Variants in ATP6V1B1 observed in about 807,000 individuals in gnomAD.
The protein encoded by ATP6V1B1 is V-type proton ATPase subunit B, kidney isoform.
A neutral mutation model predicts 62.1 loss-of-function variants in ATP6V1B1; 41 were observed. That is an observed-to-expected ratio of 0.66 (90% CI 0.51 to 0.86). ATP6V1B1 has a LOEUF of 0.86. Among genes scored for constraint, ATP6V1B1 ranks in the 40% least tolerant of loss-of-function variants. The pLI is 0.00. For synonymous variants in ATP6V1B1, 253 were observed against 273.4 expected, an observed-to-expected ratio of 0.93 and a Z score of 0.74; for missense variants, 651 against 697.5, an observed-to-expected ratio of 0.93 and a Z score of 0.75.
chr2:70,941,893 A>G, intron 1 of ATP6V1B1: 1 of 987,434 alleles, frequency 1.0e-6, no homozygotes, highest in South Asian at 4.7e-5. Flanking sequence ...CCAGGCTCTG[A>G]GTGTAGCCAT....
At chr2:70,962,927 A>T (rs782303348) in intron 9 of ATP6V1B1, 27 bp downstream of exon 9, 1 of 1,613,250 alleles carries the variant, frequency 6.2e-7, no homozygotes, top group Non-Finnish European at 8.5e-7. Context: ...GGGGTGTCAG[A>T]TTCCTCCCTA....
chr2:70,963,791 C>A lies in ATP6V1B1; in HGVS notation c.1143+137C>A. The A allele has an allele frequency of 1.1e-6, 1 of 918,128 alleles. No individual in the cohort carries two copies. Among genetic ancestry groups the A allele is most frequent in the South Asian group, 1.4e-5 (1 of 71,400 alleles). The allele number at this position is 918,128 out of a possible 1,614,324, so 56.9% of individuals were successfully genotyped here. ...AAACAGGAGACAGCCACAGGGAAGA[C>A]TGCATGGTTCACAGACAGAAGACAG... On this transcript the variant is annotated intron_variant, in intron 11 of 13. Coordinates refer to ENST00000234396, the MANE Select transcript of ATP6V1B1 (RefSeq NM_001692.4). This position sits in a 1 kb window ranked among gnomAD's most constrained non-coding sequence, Gnocchi z 4.3.
In ATP6V1B1 at chr2:70,960,098, C is replaced by G; in HGVS notation, c.585+20C>G. 1 of 1,613,868 alleles carries G rather than the reference C, an allele frequency of 6.2e-7. No homozygotes were observed. Among genetic ancestry groups the G allele is most frequent in the Non-Finnish European group, 8.5e-7 (1 of 1,179,894 alleles). ...AATGAGGTGAGGCCTGCAGGGCCAGCAGGCATGGCTGGGGGAGGGACAGAG... is the reference window on the plus strand; with the variant it reads ...AATGAGGTGAGGCCTGCAGGGCCAGGAGGCATGGCTGGGGGAGGGACAGAG... On this transcript the variant is annotated intron_variant, in intron 6 of 13. Transcript: ENST00000234396.
chr2:70,954,550 G>C (rs1269845695), intron 2 of ATP6V1B1, among the ~76,000 whole-genome samples: 1 of 152,208 alleles, frequency 6.6e-6, no homozygotes, highest in Non-Finnish European at 1.5e-5. Flanking sequence ...TAATTCAGAA[G>C]CGTGCTTTAA....
At position 70,943,698 on chromosome 2, in the gene ATP6V1B1, G is replaced by T. The variant is rs1361849084; in HGVS notation, c.159G>T (p.Val53=). ...TVCSVNGPLV[V]LDRVKFAQYA... is the part of the protein sequence containing the mutation. ...GCAGCGTGAACGGGCCCCTGGTGGT[G>T]CTGGACCGGGTCAAGGTAAGACTCT... The change falls in exon 2 of 14, where the codon GTG becomes GTT. Residue 53 remains valine, a synonymous_variant. Transcript: ENST00000234396. The T allele has an allele frequency of 3.1e-6, 5 of 1,613,658 alleles. No homozygotes were observed. The highest frequency in any genetic ancestry group is 4.2e-6 in the Non-Finnish European group (5 of 1,179,978).
chr2:70,943,647 C>T lies in ATP6V1B1; in HGVS notation c.119-11C>T, dbSNP rs1572908281. 6.2e-7 allele frequency: 1 copy of T among 1,613,610 alleles called. No homozygotes were observed. The highest frequency in any genetic ancestry group is 8.5e-7 in the Non-Finnish European group (1 of 1,179,844). ...GGGTGAGACCCCTACTCACCCCCGC[C>T]CCTCCCCCAGCCTACAGGACTGTGT... On this transcript the variant is annotated splice_polypyrimidine_tract_variant and intron_variant, in intron 1 of 13. Coordinates refer to ENST00000234396, the MANE Select transcript of ATP6V1B1 (RefSeq NM_001692.4).
chr2:70,944,588 C>T (rs1680100108), intron 2 of ATP6V1B1, among the ~76,000 whole-genome samples: 1 of 152,148 alleles, frequency 6.6e-6, no homozygotes, highest in Non-Finnish European at 1.5e-5. Flanking sequence ...TATCCTGTCT[C>T]CATCCTCCAG....
At chr2:70,962,943 C>G (rs782580662) in intron 9 of ATP6V1B1, 43 bp downstream of exon 9, 1 of 1,612,570 alleles carries the variant, frequency 6.2e-7, no homozygotes, top group South Asian at 1.1e-5. Flanking sequence ...CCCTACCCCT[C>G]CCTAAGCCTG....
chr2:70,940,958 G>A (rs1679988690), intron 1 of ATP6V1B1: 3 of 911,752 alleles, frequency 3.3e-6, no homozygotes, highest in Admixed American at 7.3e-5. Flanking sequence ...CTGTCACCCA[G>A]GCTGGAGTGC....
chr2:70,944,262 G>A, intron 2 of ATP6V1B1: 1 of 1,275,336 alleles, frequency 7.8e-7, no homozygotes, highest in Non-Finnish European at 1.0e-6. Context: ...AAGGTAAGTG[G>A]GCTGTGGGCT....
chr2:70,956,664 A>T (rs1163138511), intron 2 of ATP6V1B1, among the ~76,000 whole-genome samples: 1 of 152,070 alleles, frequency 6.6e-6, no homozygotes, highest in African/African-American at 2.4e-5. Flanking sequence ...GTACAGTTGC[A>T]TGATCTTGGC....
chr2:70,946,497 A>G lies in ATP6V1B1; in HGVS notation c.174+2784A>G, dbSNP rs139108853. ...TGACAGAATCAGAAGCTCTGGGGGT[A>G]GGGCCCAGAAGTCTGTCCTCACAAG... is the stretch of plus-strand genomic sequence containing the variant. On this transcript the variant is annotated intron_variant, in intron 2 of 13. Transcript: ENST00000234396. Among the ~76,000 whole-genome samples, 15 of 152,308 alleles carry G rather than the reference A, an allele frequency of 9.8e-5. No individual in the cohort carries two copies. In the East Asian group the frequency reaches 2.9e-3, roughly 29 times the overall value.
In ATP6V1B1 at chr2:70,965,230, C is replaced by A; in HGVS notation, c.*109C>A. The stretch of plus-strand genomic sequence containing the variant: ...GGCTTCTGCGCCGCCCTCCGCCCTC[C>A]GCTGGCTCCGAGGTGGTGGGGGCGC... On this transcript the variant is annotated 3_prime_UTR_variant, in exon 14 of 14. Coordinates refer to ENST00000234396, the MANE Select transcript of ATP6V1B1 (RefSeq NM_001692.4). 6.7e-7 allele frequency: 1 copy of A among 1,497,294 alleles called. No homozygotes were observed. The highest frequency in any genetic ancestry group is 9.0e-7 in the Non-Finnish European group (1 of 1,105,024). The allele number at this position is 1,497,294 out of a possible 1,614,324, so 92.8% of individuals were successfully genotyped here. A position where few individuals can be genotyped will look rare whatever the true frequency, so the allele number is the denominator to read the frequency against.
chr2:70,943,916 G>C, intron 2 of ATP6V1B1: 1 of 878,812 alleles, frequency 1.1e-6, no homozygotes, highest in Non-Finnish European at 1.4e-6. Flanking sequence ...TGCCTTTTCA[G>C]TAAAAACCAT....
At chr2:70,944,408 C>T (rs1207189664) in intron 2 of ATP6V1B1, among the ~76,000 whole-genome samples, 1 of 152,036 alleles carries the variant, frequency 6.6e-6, no homozygotes, top group African/African-American at 2.4e-5. Context: ...AGCCCCACTC[C>T]CTCAGCCTCC....
chr2:70,964,407 T>C, intron 11 of ATP6V1B1, 31 bp from the exon 12 acceptor site: 3 of 1,608,062 alleles, frequency 1.9e-6, no homozygotes, highest in Non-Finnish European at 2.6e-6. Flanking sequence ...TGAGTCCTGC[T>C]GTCCACCACT....
intron 2 of ATP6V1B1, among the ~76,000 whole-genome samples, chr2:70,951,362 C>G (rs1553418276): frequency 6.6e-6 from 1 of 152,078 alleles, no homozygotes; most frequent in Non-Finnish European, 1.5e-5. Context: ...TATACTGATA[C>G]AATACTTTAA....
intron 11 of ATP6V1B1, chr2:70,964,112 G>GTGTTTTTT (rs1330555546): frequency 1.3e-5 from 2 of 158,360 alleles, no homozygotes; most frequent in South Asian, 7.6e-5. Context: ...TGCTTGGCAG[G>GTGTTTTTT]TATTTTTTTT....
chr2:70,940,698 T>G, intron 1 of ATP6V1B1: 1 of 985,402 alleles, frequency 1.0e-6, no homozygotes, highest in Non-Finnish European at 1.2e-6. Context: ...ACTCTCTGCC[T>G]TCTCAGGAAG....
Sources: gnomAD v4.1 joint callset for allele counts (sites outside exome capture counted in the v4.1 genomes callset) on GRCh38, gnomAD v4.1.1 for gene constraint, Gnocchi (gnomAD v3.1) non-coding constraint, MANE v1.5 for transcripts, NCBI Gene and HGNC (gene_info 2026-07-23, HGNC 2026-07-21) for gene names.